Variants in CSMD1 observed in about 807,000 individuals in gnomAD.
The protein encoded by CSMD1 is CUB and sushi domain-containing protein 1.
A neutral mutation model predicts 417.5 loss-of-function variants in CSMD1; 213 were observed. The ratio of observed to expected loss-of-function variants is 0.51; its 90% CI spans 0.46 to 0.57. CSMD1 has a LOEUF of 0.57. Ranked by LOEUF, CSMD1 falls within the 20% of genes least tolerant of loss-of-function variation. CSMD1 has a pLI of 0.00. For missense variants in CSMD1, 6,923 were observed against 4,529.7 expected (o/e 1.53, Z -15.17); for synonymous variants, 2,862 against 1,736.8 (o/e 1.65, Z -16.11).
chr8:4,900,294 A>C (rs532971195), intron 1 of CSMD1, among the ~76,000 whole-genome samples: 1 of 152,260 alleles, frequency 6.6e-6, no homozygotes, highest in East Asian at 1.9e-4. Flanking sequence ...TATGCAACTC[A>C]TCCACCTCCT....
At chr8:3,195,004 G>A (rs1273018812) in intron 33 of CSMD1, among the ~76,000 whole-genome samples, 1 of 152,130 alleles carries the variant, frequency 6.6e-6, no homozygotes, top group South Asian at 2.1e-4. Flanking sequence ...TAGAAATATG[G>A]TTTCCTTTTC....
At chr8:3,950,307 T>C (rs1811519649) in intron 5 of CSMD1, among the ~76,000 whole-genome samples, 1 of 152,172 alleles carries the variant, frequency 6.6e-6, no homozygotes, top group Non-Finnish European at 1.5e-5. Flanking sequence ...TTCTCCAGTT[T>C]GATAGTTTCC....
chr8:3,320,069 G>C (rs545445685), intron 23 of CSMD1, among the ~76,000 whole-genome samples: 11 of 152,290 alleles, frequency 7.2e-5, no homozygotes, highest in African/African-American at 2.6e-4. Context: ...CTCCAGCATA[G>C]AGGGGCTGCC....
chr8:4,303,888 C>G lies in CSMD1; in HGVS notation c.415+116065G>C, dbSNP rs10109081. On this transcript the variant is annotated intron_variant, in intron 3 of 69. Coordinates refer to ENST00000635120, the MANE Select transcript of CSMD1 (RefSeq NM_033225.6). ...CCCAGGCTGGTCTCGAACTCCTGACCTTGTGATCTGCCTGCCTCAGCCTCT... is the reference window on the plus strand; with the variant it reads ...CCCAGGCTGGTCTCGAACTCCTGACGTTGTGATCTGCCTGCCTCAGCCTCT... Among the ~76,000 whole-genome samples the G allele has an allele frequency of 1.7e-4, 26 of 152,024 alleles. No homozygotes were observed. The South Asian group carries it at 5.2e-3, about 30-fold the overall frequency.
intron 1 of CSMD1, among the ~76,000 whole-genome samples, chr8:4,670,071 G>T (rs1732986965): frequency 6.6e-6 from 1 of 152,160 alleles, no homozygotes; most frequent in African/African-American, 2.4e-5. Context: ...AAGGGAAGCT[G>T]GTTTGGTGCC....
intron 1 of CSMD1, among the ~76,000 whole-genome samples, chr8:4,942,039 G>A (rs1178534333): frequency 1.3e-5 from 2 of 152,162 alleles, no homozygotes; most frequent in Non-Finnish European, 2.9e-5. Flanking sequence ...TGGGTAAATG[G>A]GATTGTCTGG....
At chr8:4,558,580 G>C (rs1003456063) in intron 2 of CSMD1, among the ~76,000 whole-genome samples, 3 of 152,034 alleles carry the variant, frequency 2.0e-5, no homozygotes, top group African/African-American at 7.2e-5. Context: ...AAACAATAGA[G>C]ACTTTGGCCA....
At chr8:4,750,754 GA>G (rs199648820) in intron 1 of CSMD1, among the ~76,000 whole-genome samples, 1,544 of 136,694 alleles carry the variant, frequency 0.011, 14 homozygotes, top group African/African-American at 0.03. Flanking sequence ...ACTTCCCAAG[GA>G]AAAAAAAAAA....
intron 41 of CSMD1, among the ~76,000 whole-genome samples, chr8:3,130,766 C>CA (rs1304529277): frequency 6.6e-6 from 1 of 152,108 alleles, no homozygotes; most frequent in East Asian, 1.9e-4. Flanking sequence ...ACAACCTAAA[C>CA]ATCACCCCAA....
Position 3,998,083 on chromosome 8 carries a change from C to T in CSMD1, c.638G>A (p.Arg213His), listed in dbSNP as rs1380430614. Residue 213 changes from arginine to histidine, a missense_variant, in exon 5 of 70, where the codon CGC becomes CAC. Arg to His is a conservative substitution (Grantham distance 29). Coordinates refer to ENST00000635120, the MANE Select transcript of CSMD1 (RefSeq NM_033225.6). ...RAEGACGGTL[R>H]GTSSSISSPH... ...GCTGGAGATGGAGCTGCTGGTCCCG[C>T]GTAAGGTTCCTCCGCAGGCTCCCTC... 5.1e-6 allele frequency: 8 copies of T among 1,582,452 alleles called. No homozygotes were observed. Among genetic ancestry groups the T allele is most frequent in the East Asian group, 2.3e-5 (1 of 43,372 alleles).
At chr8:4,314,712 G>A (rs573706787) in intron 3 of CSMD1, among the ~76,000 whole-genome samples, 18 of 152,138 alleles carry the variant, frequency 1.2e-4, no homozygotes, top group Non-Finnish European at 2.1e-4. Flanking sequence ...GTGTTCTTAC[G>A]TACACACATA....
At chr8:4,933,135 G>T (rs1807357412) in intron 1 of CSMD1, among the ~76,000 whole-genome samples, 2 of 152,056 alleles carry the variant, frequency 1.3e-5, no homozygotes, top group Admixed American at 6.6e-5. Context: ...TCTCTATCTG[G>T]TATATGTTTT....
chr8:3,042,179 C>T (rs568375304), intron 50 of CSMD1, among the ~76,000 whole-genome samples: 1 of 152,296 alleles, frequency 6.6e-6, no homozygotes, highest in East Asian at 1.9e-4. Flanking sequence ...AGATACCAAA[C>T]TGACTTTTTG....
chr8:4,692,988 G>A (rs951958979), intron 1 of CSMD1, among the ~76,000 whole-genome samples: 1 of 152,150 alleles, frequency 6.6e-6, no homozygotes, highest in African/African-American at 2.4e-5. Flanking sequence ...CATGGTTCCT[G>A]GAACAAAGCT....
At chr8:4,783,862 C>A (rs1019908099) in intron 1 of CSMD1, among the ~76,000 whole-genome samples, 14 of 152,162 alleles carry the variant, frequency 9.2e-5, no homozygotes, top group Non-Finnish European at 5.9e-5. Flanking sequence ...TCCTCTAAAG[C>A]AAATACTTTA....
At chr8:4,163,130 C>T (rs1797263946) in intron 3 of CSMD1, among the ~76,000 whole-genome samples, 1 of 152,200 alleles carries the variant, frequency 6.6e-6, no homozygotes. Flanking sequence ...TATCATTTCA[C>T]CTACCGAAGT....
chr8:4,738,266 C>T (rs750809015), intron 1 of CSMD1, among the ~76,000 whole-genome samples: 2 of 152,186 alleles, frequency 1.3e-5, no homozygotes, highest in African/African-American at 2.4e-5. Flanking sequence ...TTTCACGCTG[C>T]TATAAACAAC....
At chr8:4,690,492 T>C (rs1408563499) in intron 1 of CSMD1, among the ~76,000 whole-genome samples, 1 of 152,186 alleles carries the variant, frequency 6.6e-6, no homozygotes, top group East Asian at 1.9e-4. Context: ...TACTGGGTAA[T>C]ATAAATTATG....
chr8:4,269,828 T>C (rs1804461943), intron 3 of CSMD1, among the ~76,000 whole-genome samples: 1 of 152,290 alleles, frequency 6.6e-6, no homozygotes, highest in African/African-American at 2.4e-5. Flanking sequence ...TTACAAGTAG[T>C]GCCAATCTAT....
Sources: allele counts gnomAD v4.1 joint callset (sites outside exome capture counted in the v4.1 genomes callset), GRCh38; gene constraint gnomAD v4.1.1; transcripts MANE v1.5; gene names NCBI Gene and HGNC (gene_info 2026-07-23, HGNC 2026-07-21).